ZMYM2: variants seen among roughly 807,000 people sequenced by gnomAD.
The protein encoded by ZMYM2 is zinc finger MYM-type protein 2.
In ZMYM2, 56 loss-of-function variants were observed where a neutral mutation model predicts 162.8. That is an observed-to-expected ratio of 0.34 (90% CI 0.28 to 0.43). The LOEUF (loss-of-function observed/expected upper bound fraction) is 0.43, where lower values mean the gene tolerates loss of function less well. Among genes scored for constraint, ZMYM2 ranks in the 20% least tolerant of loss-of-function variants. The pLI, the probability that ZMYM2 is intolerant of heterozygous loss-of-function variation, is 1.00. For missense variants in ZMYM2, 1,275 were observed against 1,621.8 expected, an observed-to-expected ratio of 0.79 and a Z score of 3.67; for synonymous variants, 510 against 541.6, an observed-to-expected ratio of 0.94 and a Z score of 0.81.
chr13:20,010,227 G>C (rs372936858), intron 6 of ZMYM2, among the ~76,000 whole-genome samples: 1 of 151,908 alleles, frequency 6.6e-6, no homozygotes, highest in Non-Finnish European at 1.5e-5. Context: ...ACAGAGTCTC[G>C]CTCTGTTACC....
intron 2 of ZMYM2, among the ~76,000 whole-genome samples, chr13:19,983,147 C>CTTT (rs536615645): frequency 7.4e-4 from 105 of 141,992 alleles, no homozygotes; most frequent in Non-Finnish European, 1.2e-3. Flanking sequence ...CCCACTTTCA[C>CTTT]TTTTTTTTTT....
chr13:20,028,891 A>T (rs1007595618), intron 9 of ZMYM2, among the ~76,000 whole-genome samples: 1 of 151,228 alleles, frequency 6.6e-6, no homozygotes, highest in East Asian at 1.9e-4. Flanking sequence ...TTAGGCTCTT[A>T]CTTTGAGGAA....
Position 20,083,010 on chromosome 13 carries a change from C to G in ZMYM2, c.3798C>G (p.Ser1266=). ...CGTGTCTTCGATACCAAGTGTCTTC[C>G]TTGTGTGGAACAGATAATGAAGGTA... is the stretch of plus-strand genomic sequence containing the variant. ...NKACLRYQVS[S]LCGTDNEDKI... is the part of the protein sequence containing the mutation. Residue 1266 remains serine, a synonymous_variant, in exon 23 of 25, where the codon TCC becomes TCG. Transcript: ENST00000610343. 1 of 1,613,024 alleles carries G rather than the reference C, an allele frequency of 6.2e-7. No homozygotes were observed. Among genetic ancestry groups the G allele is most frequent in the Non-Finnish European group, 8.5e-7 (1 of 1,179,326 alleles).
chr13:19,931,583 T>C, the ZMYM2 span, among the ~76,000 whole-genome samples: 3 of 152,198 alleles, frequency 2.0e-5, no homozygotes, highest in East Asian at 5.8e-4. Flanking sequence ...TATTTCTTTT[T>C]CAGATTGGCT....
the ZMYM2 span, among the ~76,000 whole-genome samples, chr13:19,881,650 TAAAAC>T: frequency 6.7e-6 from 1 of 149,848 alleles, no homozygotes; most frequent in Non-Finnish European, 1.5e-5. Context: ...AAAAATAAAA[TAAAAC>T]AAATGAGAGT....
At chr13:20,015,786 A>G (rs1951572658) in intron 6 of ZMYM2, among the ~76,000 whole-genome samples, 1 of 152,030 alleles carries the variant, frequency 6.6e-6, no homozygotes, top group South Asian at 2.1e-4. Context: ...TTATATTAAT[A>G]TGGCAACCCC....
chr13:19,885,937 A>ATGTG, the ZMYM2 span, among the ~76,000 whole-genome samples: 2 of 87,792 alleles, frequency 2.3e-5, no homozygotes, highest in African/African-American at 1.4e-4. Flanking sequence ...GTGTATACAC[A>ATGTG]TATATATGTA....
chr13:20,046,225 G>A (rs1954767485), intron 12 of ZMYM2, among the ~76,000 whole-genome samples: 2 of 151,978 alleles, frequency 1.3e-5, no homozygotes, highest in Admixed American at 1.3e-4. Flanking sequence ...AAGCCTGGGT[G>A]ACAGAGCAAG....
At chr13:20,053,754 T>G (rs574895937) in intron 14 of ZMYM2, among the ~76,000 whole-genome samples, 10 of 152,360 alleles carry the variant, frequency 6.6e-5, no homozygotes, top group African/African-American at 2.4e-4. Context: ...TTTATTCTAT[T>G]CAGTGTTTGT....
the ZMYM2 span, among the ~76,000 whole-genome samples, chr13:19,891,064 C>T: frequency 1.6e-3 from 242 of 151,948 alleles, 1 homozygote; most frequent in Non-Finnish European, 3.1e-3. Context: ...GTATCTCCCC[C>T]AAAATGTTTA....
chr13:20,007,584 C>T (rs1236323271), intron 6 of ZMYM2, among the ~76,000 whole-genome samples: 2 of 145,124 alleles, frequency 1.4e-5, no homozygotes, highest in African/African-American at 2.5e-5. Context: ...TTTTTGTTGT[C>T]TGTGGAGAAG....
chr13:20,027,037 A>G (rs893307021), intron 8 of ZMYM2, among the ~76,000 whole-genome samples, 166 bp from the exon 9 acceptor site: 1 of 152,152 alleles, frequency 6.6e-6, no homozygotes, highest in African/African-American at 2.4e-5. Context: ...ATAATATCAG[A>G]GTCCGTTATG....
At chr13:20,032,711 C>A (rs1041409920) in intron 10 of ZMYM2, among the ~76,000 whole-genome samples, 1 of 144,128 alleles carries the variant, frequency 6.9e-6, no homozygotes, top group African/African-American at 2.6e-5. Flanking sequence ...CAGGTTCAAG[C>A]GATTCTCCTG....
At chr13:19,982,281 C>CTTTTTTTTTTTTT (rs56165263) in intron 2 of ZMYM2, among the ~76,000 whole-genome samples, 1 of 86,256 alleles carries the variant, frequency 1.2e-5, no homozygotes, top group Non-Finnish European at 2.3e-5. Context: ...TATTAGCTGT[C>CTTTTTTTTTTTTT]TTTTTTTTTT....
chr13:19,902,030 CT>C, the ZMYM2 span, among the ~76,000 whole-genome samples: 4 of 152,110 alleles, frequency 2.6e-5, no homozygotes. Context: ...CTCAAGCGAT[CT>C]TCCTGCCTCA....
At chr13:20,020,327 T>C (rs946056766) in intron 7 of ZMYM2, among the ~76,000 whole-genome samples, 9 of 149,400 alleles carry the variant, frequency 6.0e-5, no homozygotes, top group Non-Finnish European at 1.3e-4. Context: ...CTCCGCCCCC[T>C]GGGTTCAAGC....
the ZMYM2 span, among the ~76,000 whole-genome samples, chr13:19,901,863 G>T: frequency 0.11 from 16,497 of 152,096 alleles, 1,051 homozygotes; most frequent in Middle Eastern, 0.14. Context: ...TGTGATCATG[G>T]CTCACTGCAA....
At position 20,034,196 on chromosome 13, in the gene ZMYM2, G is replaced by A. The variant is rs866249214; in HGVS notation, c.1969-58G>A. 45 of 526,352 alleles carry A rather than the reference G, an allele frequency of 8.5e-5. No individual in the cohort carries two copies. The Middle Eastern group carries it at 1.8e-3, about 21-fold the overall frequency. The allele number at this position is 526,352 out of a possible 1,614,324, so 32.6% of individuals were successfully genotyped here. ...TTAACTTTGCTTCTGTAAAAGTGGC[G>A]TGTTTATTTCTTAAGCTTGTCGTCA... is the stretch of plus-strand genomic sequence containing the variant. On this transcript the variant is annotated intron_variant, in intron 10 of 24. Transcript: ENST00000610343.
chr13:19,905,914 G>A, the ZMYM2 span, among the ~76,000 whole-genome samples: 85 of 152,186 alleles, frequency 5.6e-4, no homozygotes, highest in African/African-American at 1.9e-3. Flanking sequence ...GCCACAGTGG[G>A]AGGATTGCCT....
Sources: gnomAD v4.1 joint callset for allele counts (sites outside exome capture counted in the v4.1 genomes callset) on GRCh38, gnomAD v4.1.1 for gene constraint, MANE v1.5 for transcripts, NCBI Gene and HGNC (gene_info 2026-07-23, HGNC 2026-07-21) for gene names.